GAN: variants seen among roughly 807,000 people sequenced by gnomAD.
GAN encodes the protein epididymis secretory sperm binding protein.
Under a neutral mutation model 71.3 loss-of-function variants are expected in GAN, and 48 were observed. That is an observed-to-expected ratio of 0.67 (90% CI 0.53 to 0.86). The LOEUF (loss-of-function observed/expected upper bound fraction) is 0.86, where lower values mean the gene tolerates loss of function less well. Ranked by LOEUF, GAN falls within the 40% of genes least tolerant of loss-of-function variation. The pLI is 0.00. For synonymous variants in GAN, 386 were observed against 276.8 expected (o/e 1.39, Z -3.92); for missense variants, 928 against 770.1 (o/e 1.21, Z -2.43).
chr16:81,350,977 C>T (rs566590381), intron 1 of GAN, among the ~76,000 whole-genome samples: 1 of 152,198 alleles, frequency 6.6e-6, no homozygotes, highest in Non-Finnish European at 1.5e-5. Flanking sequence ...GTGATATGCA[C>T]ACCTCTATAA....
At chr16:81,352,835 C>A (rs1321047786) in intron 2 of GAN, among the ~76,000 whole-genome samples, 2 of 152,142 alleles carry the variant, frequency 1.3e-5, no homozygotes, top group African/African-American at 4.8e-5. Context: ...ATAACCAGGG[C>A]TAAGACCAAC....
At chr16:81,350,432 C>G (rs937337285) in intron 1 of GAN, among the ~76,000 whole-genome samples, 5 of 152,120 alleles carry the variant, frequency 3.3e-5, no homozygotes, top group African/African-American at 9.7e-5. Context: ...AACAGCGCCA[C>G]CTACTATGGA....
intron 1 of GAN, among the ~76,000 whole-genome samples, chr16:81,330,640 C>G (rs190084653): frequency 6.6e-6 from 1 of 152,086 alleles, no homozygotes; most frequent in East Asian, 1.9e-4. Flanking sequence ...ATTGAAGTAC[C>G]ACAGTTATTG....
intron 1 of GAN, among the ~76,000 whole-genome samples, chr16:81,337,700 T>C (rs544745709): frequency 5.8e-4 from 89 of 152,244 alleles, no homozygotes; most frequent in Non-Finnish European, 1.1e-3. Flanking sequence ...CTTTATTAGC[T>C]AGTAGCCAAC....
At chr16:81,338,549 C>T (rs942523325) in intron 1 of GAN, among the ~76,000 whole-genome samples, 3 of 151,616 alleles carry the variant, frequency 2.0e-5, no homozygotes, top group African/African-American at 2.4e-5. Flanking sequence ...AAATCTAAGG[C>T]GAAAATGTTT....
chr16:81,357,847 C>T lies in GAN; in HGVS notation c.889C>T (p.Pro297Ser), dbSNP rs1266578849. Residue 297 changes from proline to serine, a missense_variant, in exon 5 of 11, where the codon CCT becomes TCT. Transcript: ENST00000648994. The stretch of plus-strand genomic sequence containing the variant: ...CACAGCAGCGATGCGATGCATGTGC[C>T]CTCTCTATGACCCTAACAGGCAGCT... ...KPTAAMRCMC[P>S]LYDPNRQLWI... is the part of the protein sequence containing the mutation. 1.9e-6 allele frequency: 3 copies of T among 1,612,990 alleles called. No homozygotes were observed. The highest frequency in any genetic ancestry group is 1.3e-5 in the African/African-American group (1 of 75,008).
chr16:81,363,906 C>T lies in GAN; in HGVS notation c.1199C>T (p.Thr400Ile), dbSNP rs368571975. The T allele has an allele frequency of 6.2e-7, 1 of 1,613,516 alleles. No individual in the cohort carries two copies. The highest frequency in any genetic ancestry group is 8.5e-7 in the Non-Finnish European group (1 of 1,179,498). Reference sequence around the variant, plus strand: ...GAGTGTTACGATATTTATTCTAAAACCTGGACAAAGCAACCTGATTTGACC... The same window carrying T: ...GAGTGTTACGATATTTATTCTAAAATCTGGACAAAGCAACCTGATTTGACC... ...SMECYDIYSK[T>I]WTKQPDLTMV... The change falls in exon 7 of 11, where the codon ACC becomes ATC. Residue 400 changes from threonine (T) to isoleucine (I), a missense_variant. By Grantham distance (89) the Thr-to-Ile change is moderately conservative. Transcript: ENST00000648994.
chr16:81,331,804 C>G (rs1296342788), intron 1 of GAN, among the ~76,000 whole-genome samples: 1 of 152,164 alleles, frequency 6.6e-6, no homozygotes, highest in African/African-American at 2.4e-5. Context: ...TTGGGCCGTA[C>G]GCCCAGACTG....
rs1028065908 is a variant in GAN, at chr16:81,380,124, ACT to A, written c.*2531_*2532del. On this transcript the variant is annotated 3_prime_UTR_variant, in exon 11 of 11. Transcript: ENST00000648994. ...TTACTATGCTCCAACATTAATCATG[ACT>A]CTTTTGTAAATTACAGTTATTTCAG... is the stretch of plus-strand genomic sequence containing the variant. 3.9e-5 allele frequency: 6 copies of A among 152,428 alleles called. No individual in the cohort carries two copies. The highest frequency in any genetic ancestry group is 3.8e-4 in the East Asian group (2 of 5,196). The allele number at this position is 152,428 out of a possible 1,614,324, so 9.4% of individuals were successfully genotyped here.
intron 1 of GAN, among the ~76,000 whole-genome samples, chr16:81,336,290 A>G (rs1364927997): frequency 6.6e-6 from 1 of 152,160 alleles, no homozygotes; most frequent in Non-Finnish European, 1.5e-5. Flanking sequence ...TGTAGATGGA[A>G]TTCTTGGATG....
At chr16:81,339,867 G>A (rs1285575116) in intron 1 of GAN, among the ~76,000 whole-genome samples, 4 of 152,140 alleles carry the variant, frequency 2.6e-5, no homozygotes, top group Admixed American at 2.6e-4. Flanking sequence ...GGTGTCAGGG[G>A]CAGATGTAAG....
At chr16:81,332,766 C>T (rs1279052804) in intron 1 of GAN, among the ~76,000 whole-genome samples, 2 of 152,152 alleles carry the variant, frequency 1.3e-5, no homozygotes, top group Non-Finnish European at 2.9e-5. Context: ...TATAGAATAT[C>T]CCTTGTCTTG....
chr16:81,322,651 T>A (rs1489112838), intron 1 of GAN, among the ~76,000 whole-genome samples: 3 of 152,260 alleles, frequency 2.0e-5, no homozygotes, highest in Non-Finnish European at 4.4e-5. Flanking sequence ...AAAGACCATT[T>A]GATGCTTGTG....
At chr16:81,353,229 C>T (rs1423598375) in intron 2 of GAN, among the ~76,000 whole-genome samples, 36 of 148,384 alleles carry the variant, frequency 2.4e-4, no homozygotes, top group Admixed American at 1.2e-3. Flanking sequence ...GGGGCGGAGC[C>T]TGCAGTGAGC....
rs560372856 is a variant in GAN, at chr16:81,363,301, G to A, written c.1087-493G>A. Among the ~76,000 whole-genome samples the A allele has an allele frequency of 3.3e-5, 5 of 152,282 alleles. 1 individual carries two copies. The highest frequency in any genetic ancestry group is 1.2e-4 in the African/African-American group (5 of 41,566). ...GTTGTGAGCTATTATGGGTTAAAAAGTGAGGATTTTCTGATGAACTCACCA... is the reference window on the plus strand; with the variant it reads ...GTTGTGAGCTATTATGGGTTAAAAAATGAGGATTTTCTGATGAACTCACCA... On this transcript the variant is annotated intron_variant, in intron 6 of 10. Coordinates refer to ENST00000648994, the MANE Select transcript of GAN (RefSeq NM_022041.4).
intron 1 of GAN, among the ~76,000 whole-genome samples, chr16:81,319,362 A>G (rs1909152571): frequency 1.3e-5 from 2 of 151,880 alleles, no homozygotes; most frequent in South Asian, 4.2e-4. Context: ...TCTTTTGAAT[A>G]TTACAGTTTG....
At chr16:81,332,003 A>G (rs1909594437) in intron 1 of GAN, among the ~76,000 whole-genome samples, 1 of 152,026 alleles carries the variant, frequency 6.6e-6, no homozygotes, top group Admixed American at 6.5e-5. Context: ...CTCTACTAAA[A>G]ATACAAAATT....
rs1904329855 is a variant in GAN at position 81,383,898 on chromosome 16, T to C, written c.*6302T>C. Reference sequence around the variant, plus strand: ...CATCTGTCTTCTGGTTGGTGAATTATATTTATTAGGATCTTATTTTTAGCA... The same window carrying C: ...CATCTGTCTTCTGGTTGGTGAATTACATTTATTAGGATCTTATTTTTAGCA... On this transcript the variant is annotated 3_prime_UTR_variant, in exon 11 of 11. Coordinates refer to ENST00000648994, the MANE Select transcript of GAN (RefSeq NM_022041.4). The C allele has an allele frequency of 6.6e-6, 1 of 152,132 alleles. No individual in the cohort carries two copies. Among genetic ancestry groups the C allele is most frequent in the South Asian group, 2.1e-4 (1 of 4,826 alleles). The allele number at this position is 152,132 out of a possible 1,614,324, so 9.4% of individuals were successfully genotyped here.
intron 1 of GAN, among the ~76,000 whole-genome samples, chr16:81,346,403 C>T (rs1449356102): frequency 9.6e-6 from 1 of 104,248 alleles, no homozygotes; most frequent in African/African-American, 3.2e-5. Flanking sequence ...GGGCCATGGC[C>T]TTAGGACTGG....
Sources: gnomAD v4.1 joint callset for allele counts (sites outside exome capture counted in the v4.1 genomes callset) on GRCh38, gnomAD v4.1.1 for gene constraint, MANE v1.5 for transcripts, NCBI Gene and HGNC (gene_info 2026-07-23, HGNC 2026-07-21) for gene names.